The following ANKRD13C variants were observed in gnomAD, a reference collection of about 807,000 sequenced individuals.
ANKRD13C encodes ankyrin repeat domain-containing protein 13C.
A neutral mutation model predicts 65.5 loss-of-function variants in ANKRD13C; 16 were observed. The ratio of observed to expected loss-of-function variants is 0.24; its 90% confidence interval spans 0.17 to 0.37. ANKRD13C has a LOEUF of 0.37. Ranked by LOEUF, ANKRD13C falls within the 10% of genes least tolerant of loss-of-function variation. ANKRD13C has a pLI of 1.00. For missense variants in ANKRD13C, 503 were observed against 655.9 expected (o/e 0.77, Z 2.55); for synonymous variants, 235 against 238.7 (o/e 0.98, Z 0.14).
intron 7 of ANKRD13C, among the ~76,000 whole-genome samples, chr1:70,297,119 G>A (rs1378550318): frequency 2.0e-5 from 3 of 151,770 alleles, no homozygotes; most frequent in Non-Finnish European, 2.9e-5. Context: ...GACGTTATAA[G>A]GAAGAAAAAA....
chr1:70,313,713 A>C (rs550712547), intron 5 of ANKRD13C, 32 bp downstream of exon 5: 3 of 1,537,256 alleles, frequency 2.0e-6, no homozygotes, highest in Non-Finnish European at 1.8e-6. Flanking sequence ...GCATAAGTAC[A>C]TATTTTATAC....
rs377328467 is a variant in ANKRD13C, at chr1:70,354,077, G to C, written c.332C>G (p.Pro111Arg). ...VAVVADGGSC[P>R]AHYPVHECVF... ...GCACTCGTGCACCGGGTAGTGTGCG[G>C]GGCAACTGCCTCCATCCGCGACGAC... Residue 111 changes from proline (P) to arginine (R), a missense_variant, in exon 1 of 13, where the codon CCC (proline) becomes CGC (arginine). Coordinates refer to ENST00000370944, the MANE Select transcript of ANKRD13C (RefSeq NM_030816.5). 4 of 1,610,698 alleles carry C rather than the reference G, an allele frequency of 2.5e-6. No homozygotes were observed. The African/African-American group carries it at 5.3e-5, about 22-fold the overall frequency.
chr1:70,265,137 C>A (rs1678558329), intron 12 of ANKRD13C, among the ~76,000 whole-genome samples: 1 of 152,116 alleles, frequency 6.6e-6, no homozygotes, highest in African/African-American at 2.4e-5. Flanking sequence ...TATTCTGGAT[C>A]AGGTGGAAAG....
intron 7 of ANKRD13C, among the ~76,000 whole-genome samples, chr1:70,297,924 A>C (rs933869469): frequency 6.6e-6 from 1 of 151,780 alleles, no homozygotes; most frequent in African/African-American, 2.4e-5. Flanking sequence ...TCAAAAAAAA[A>C]AAAAAACAAA....
chr1:70,305,705 G>A (rs1680558913), intron 6 of ANKRD13C: 1 of 152,034 alleles, frequency 6.6e-6, no homozygotes, highest in South Asian at 2.1e-4. Flanking sequence ...GTTATAAAAG[G>A]AACAGAATGA....
chr1:70,305,688 A>T (rs1680558231), intron 6 of ANKRD13C: 1 of 152,212 alleles, frequency 6.6e-6, no homozygotes, highest in African/African-American at 2.4e-5. Flanking sequence ...TTCAAACATT[A>T]ATCTTAGTTA....
intron 1 of ANKRD13C, among the ~76,000 whole-genome samples, chr1:70,352,810 T>G (rs1237790976): frequency 6.6e-6 from 1 of 152,208 alleles, no homozygotes; most frequent in African/African-American, 2.4e-5. Context: ...ACATACTTTT[T>G]TGGGGATTTA....
intron 6 of ANKRD13C, among the ~76,000 whole-genome samples, chr1:70,304,504 C>T (rs770537907): frequency 4.0e-4 from 61 of 151,968 alleles, no homozygotes; most frequent in Non-Finnish European, 7.1e-4. Context: ...TCAGGTGATT[C>T]TCCCACCTCA....
At chr1:70,349,191 T>C (rs1343189777) in intron 1 of ANKRD13C, among the ~76,000 whole-genome samples, 4 of 152,204 alleles carry the variant, frequency 2.6e-5, no homozygotes, top group Non-Finnish European at 4.4e-5. Flanking sequence ...TTTGCCAAAC[T>C]ATCAATGGCA....
At chr1:70,286,874 T>C (rs1380593359) in intron 9 of ANKRD13C, among the ~76,000 whole-genome samples, 4 of 152,110 alleles carry the variant, frequency 2.6e-5, no homozygotes, top group Non-Finnish European at 5.9e-5. Flanking sequence ...TAATCTCAGC[T>C]ACTCCGGAGG....
chr1:70,292,469 G>A lies in ANKRD13C; in HGVS notation c.1134C>T (p.Leu378=). ...VLESRKRREH[L]SEEDILRNKA... ...TATTTCGAAGAATATCCTCTTCACT[G>A]AGATGTTCTCTTCTTTTCCTTGATT... is the stretch of plus-strand genomic sequence containing the variant. Residue 378 remains leucine (L), a synonymous_variant, in exon 9 of 13, where the codon CTC becomes CTT. Transcript: ENST00000370944. 1 of 1,609,738 alleles carries A rather than the reference G, an allele frequency of 6.2e-7. No homozygotes were observed. The highest frequency in any genetic ancestry group is 8.5e-7 in the Non-Finnish European group (1 of 1,178,418).
intron 2 of ANKRD13C, among the ~76,000 whole-genome samples, chr1:70,330,776 G>GA (rs1187232047): frequency 6.6e-6 from 1 of 152,004 alleles, no homozygotes; most frequent in Non-Finnish European, 1.5e-5. Flanking sequence ...GACTGAAAAT[G>GA]AATTAAAAGT....
rs1223563721 is a variant in ANKRD13C, at chr1:70,262,832, G to T, written c.1511C>A (p.Pro504His). 6.2e-7 allele frequency: 1 copy of T among 1,611,682 alleles called. No homozygotes were observed. Among genetic ancestry groups the T allele is most frequent in the Non-Finnish European group, 8.5e-7 (1 of 1,178,672 alleles). ...AAAAGTCACAGTGGCTGTGATTGTG[G>T]GAAACACAGGTATATCTACAGAGAG... Reference protein sequence around the residue: ...FPVKLDIPVFPTITATVTFQE... With the variant: ...FPVKLDIPVFHTITATVTFQE... Residue 504 changes from proline (P) to histidine (H), a missense_variant, in exon 13 of 13, where the codon CCC (proline) becomes CAC (histidine). By Grantham distance (77) the Pro-to-His change is moderately conservative (BLOSUM62 -2). This residue lies in a region of ANKRD13C where 300 missense variants were observed against 478.3 expected (regional missense o/e 0.63). Transcript: ENST00000370944.
At position 70,276,821 on chromosome 1, in the gene ANKRD13C, T is replaced by C. The variant is rs1428762401; in HGVS notation, c.1239A>G (p.Thr413=). ...NFEPIRRQSL[T]PPPQNTITWE... is the part of the protein sequence containing the mutation. ...ATGTAATAGTGTTCTGAGGAGGAGGTGTAAGAGACTGTCTTCGAATCGGCT... is the reference window on the plus strand; with the variant it reads ...ATGTAATAGTGTTCTGAGGAGGAGGCGTAAGAGACTGTCTTCGAATCGGCT... The change falls in exon 10 of 13, where the codon ACA becomes ACG. Residue 413 remains threonine (T), a synonymous_variant. Coordinates refer to ENST00000370944, the MANE Select transcript of ANKRD13C (RefSeq NM_030816.5). 1 of 1,598,344 alleles carries C rather than the reference T, an allele frequency of 6.3e-7. No homozygotes were observed. The highest frequency in any genetic ancestry group is 8.5e-7 in the Non-Finnish European group (1 of 1,175,926).
chr1:70,291,830 C>T (rs993180936), intron 9 of ANKRD13C, among the ~76,000 whole-genome samples: 3 of 150,050 alleles, frequency 2.0e-5, no homozygotes, highest in African/African-American at 4.9e-5. Flanking sequence ...AAATAAATAA[C>T]ACTAGGGGCC....
Position 70,270,878 on chromosome 1 carries a change from A to C in ANKRD13C, c.1473T>G (p.Pro491=). The change falls in exon 12 of 13, where the codon CCT becomes CCG. Residue 491 remains proline (P), a synonymous_variant. Transcript: ENST00000370944. ...KLREFVQMKL[P]PGFPVKLDIP... is the part of the protein sequence containing the mutation. ...TACCTAATTTTACAGGAAAGCCTGGAGGAAGCTTCATCTGAACAAATTCTC... is the reference window on the plus strand; with the variant it reads ...TACCTAATTTTACAGGAAAGCCTGGCGGAAGCTTCATCTGAACAAATTCTC... The C allele has an allele frequency of 6.2e-7, 1 of 1,611,920 alleles. No individual in the cohort carries two copies. Among genetic ancestry groups the C allele is most frequent in the Non-Finnish European group, 8.5e-7 (1 of 1,178,556 alleles).
intron 9 of ANKRD13C, among the ~76,000 whole-genome samples, chr1:70,280,662 G>T (rs1214114605): frequency 2.0e-5 from 3 of 152,166 alleles, no homozygotes; most frequent in Non-Finnish European, 4.4e-5. Flanking sequence ...AACCTCTTTT[G>T]CCTCAGTTCT....
chr1:70,331,767 A>G (rs1681809639), intron 2 of ANKRD13C, among the ~76,000 whole-genome samples: 1 of 139,666 alleles, frequency 7.2e-6, no homozygotes, highest in Non-Finnish European at 1.5e-5. Context: ...CAGAGGTTGC[A>G]GCCGAGATCA....
chr1:70,288,728 T>C (rs1307097347), intron 9 of ANKRD13C, among the ~76,000 whole-genome samples: 1 of 152,138 alleles, frequency 6.6e-6, no homozygotes, highest in African/African-American at 2.4e-5. Flanking sequence ...TTGCCAGGCA[T>C]AAGGGACAGA....
Sources: allele counts gnomAD v4.1 joint callset (sites outside exome capture counted in the v4.1 genomes callset), GRCh38; gene constraint gnomAD v4.1.1; regional missense constraint gnomAD v4.1.1; transcripts MANE v1.5; gene names NCBI Gene and HGNC (gene_info 2026-07-23, HGNC 2026-07-21).